Variants in GRM7 observed in about 807,000 individuals in gnomAD.
The protein encoded by GRM7 is glutamate metabotropic receptor 7, also known as metabotropic glutamate receptor 7.
In GRM7, 35 loss-of-function variants were observed where a neutral mutation model predicts 84.5. That is an observed-to-expected ratio of 0.41 (90% CI 0.32 to 0.55). The LOEUF is 0.55. GRM7 is among the 20% of genes least tolerant of loss of function. The pLI is 0.19. For missense variants in GRM7, 1,003 were observed against 1,194.6 expected (o/e 0.84, Z 2.36); for synonymous variants, 487 against 455.1 (o/e 1.07, Z -0.89).
intron 1 of GRM7, among the ~76,000 whole-genome samples, chr3:7,100,858 C>T (rs1353371008): frequency 6.6e-6 from 1 of 151,802 alleles, no homozygotes; most frequent in African/African-American, 2.4e-5. Context: ...CCTAGTCTTG[C>T]AATCTCTTGT....
chr3:7,415,617 C>T (rs899125121), intron 5 of GRM7, among the ~76,000 whole-genome samples: 9 of 152,046 alleles, frequency 5.9e-5, no homozygotes, highest in African/African-American at 2.2e-4. Flanking sequence ...AATGAGTTAC[C>T]TATTATTTAA....
At chr3:7,022,644 T>C (rs1695822403) in intron 1 of GRM7, among the ~76,000 whole-genome samples, 1 of 152,186 alleles carries the variant, frequency 6.6e-6, no homozygotes, top group Admixed American at 6.5e-5. Flanking sequence ...TGTAAATGCA[T>C]TGTAAATGCA....
At chr3:7,586,557 C>T (rs1283702368) in intron 8 of GRM7, among the ~76,000 whole-genome samples, 2 of 152,156 alleles carry the variant, frequency 1.3e-5, no homozygotes, top group East Asian at 3.9e-4. Flanking sequence ...CCTGTAATTC[C>T]AGCACTTCGG....
Position 7,720,111 on chromosome 3 carries a change from A to G in GRM7, c.2699-20246A>G, listed in dbSNP as rs139300076. Among the ~76,000 whole-genome samples the G allele has an allele frequency of 3.3e-5, 5 of 152,214 alleles. No homozygotes were observed. In the South Asian group the frequency reaches 6.2e-4, roughly 19 times the overall value. On this transcript the variant is annotated intron_variant, in intron 9 of 9. Transcript: ENST00000357716. ...AACAATCACTATTATCATTTTCCTCATCTTATAGACAGTTTAAAGGCAAGA... is the reference window on the plus strand; with the variant it reads ...AACAATCACTATTATCATTTTCCTCGTCTTATAGACAGTTTAAAGGCAAGA...
intron 4 of GRM7, among the ~76,000 whole-genome samples, chr3:7,372,788 A>C (rs959424569): frequency 1.3e-5 from 2 of 152,070 alleles, no homozygotes; most frequent in East Asian, 3.9e-4. Flanking sequence ...CAAATTTTAT[A>C]TGTGGTGTAT....
intron 1 of GRM7, among the ~76,000 whole-genome samples, chr3:6,897,770 T>C (rs1335424671): frequency 6.6e-6 from 1 of 152,230 alleles, no homozygotes; most frequent in Non-Finnish European, 1.5e-5. Flanking sequence ...AAATCTGTGG[T>C]ACTCTGAAAA....
chr3:7,710,989 C>T (rs567306792), intron 9 of GRM7, among the ~76,000 whole-genome samples: 3 of 152,286 alleles, frequency 2.0e-5, no homozygotes, highest in Admixed American at 2.0e-4. Flanking sequence ...AATGTCCCTC[C>T]TATGTACTCC....
chr3:7,029,057 A>G (rs1166295730), intron 1 of GRM7, among the ~76,000 whole-genome samples: 3 of 152,186 alleles, frequency 2.0e-5, no homozygotes, highest in African/African-American at 7.2e-5. Flanking sequence ...TAATCCCAGT[A>G]TTTTGGGAGG....
chr3:6,921,710 A>G (rs923190639), intron 1 of GRM7, among the ~76,000 whole-genome samples: 23 of 152,234 alleles, frequency 1.5e-4, no homozygotes, highest in African/African-American at 5.1e-4. Flanking sequence ...GAAGGTTCCT[A>G]CCAAGGGATC....
At chr3:7,073,536 A>C (rs1697956755) in intron 1 of GRM7, among the ~76,000 whole-genome samples, 1 of 152,174 alleles carries the variant, frequency 6.6e-6, no homozygotes, top group Non-Finnish European at 1.5e-5. Context: ...GTTGATTTTC[A>C]GATCAGATTT....
chr3:7,601,288 G>A (rs146834234), intron 8 of GRM7, among the ~76,000 whole-genome samples: 5 of 152,032 alleles, frequency 3.3e-5, no homozygotes, highest in Admixed American at 2.6e-4. Flanking sequence ...GCATCCAAAG[G>A]CATTCTAAGA....
chr3:7,404,989 C>T (rs1695613784), intron 4 of GRM7, among the ~76,000 whole-genome samples: 1 of 152,078 alleles, frequency 6.6e-6, no homozygotes, highest in Non-Finnish European at 1.5e-5. Flanking sequence ...TCTTTGGTGT[C>T]TTCCAAGAGA....
intron 2 of GRM7, among the ~76,000 whole-genome samples, chr3:7,237,500 G>A (rs1048542716): frequency 2.0e-5 from 3 of 152,112 alleles, no homozygotes; most frequent in African/African-American, 4.8e-5. Context: ...GACGCTCGTG[G>A]TGAGTGTTAC....
At chr3:7,516,819 T>G (rs575320954) in intron 7 of GRM7, among the ~76,000 whole-genome samples, 56 of 152,334 alleles carry the variant, frequency 3.7e-4, no homozygotes, top group African/African-American at 1.3e-3. Flanking sequence ...CATTTTAGCA[T>G]TTTTTCATTT....
chr3:7,392,068 C>T (rs755324433), intron 4 of GRM7, among the ~76,000 whole-genome samples: 1 of 152,156 alleles, frequency 6.6e-6, no homozygotes, highest in African/African-American at 2.4e-5. Flanking sequence ...CCCAAGAGGG[C>T]CTTTGGCAGA....
At chr3:7,735,756 C>G (rs977635446) in intron 9 of GRM7, among the ~76,000 whole-genome samples, 1 of 152,138 alleles carries the variant, frequency 6.6e-6, no homozygotes, top group Non-Finnish European at 1.5e-5. Context: ...ATATCTTACA[C>G]CTGGCTCACT....
intron 1 of GRM7, among the ~76,000 whole-genome samples, chr3:6,916,541 A>G (rs1257265288): frequency 6.6e-6 from 1 of 152,164 alleles, no homozygotes; most frequent in African/African-American, 2.4e-5. Context: ...TCCACAATCA[A>G]GGTGCCAGCA....
intron 7 of GRM7, among the ~76,000 whole-genome samples, chr3:7,530,710 T>C: frequency 6.6e-6 from 1 of 152,234 alleles, no homozygotes; most frequent in East Asian, 1.9e-4. Flanking sequence ...ATGGGCTTTT[T>C]TTCATATGTT....
intron 7 of GRM7, among the ~76,000 whole-genome samples, chr3:7,521,277 A>G (rs904472): frequency 0.62 from 94,283 of 151,948 alleles, 30,277 homozygotes; most frequent in African/African-American, 0.8. Context: ...GCCAGGTAAA[A>G]CCGCAGTTCT....
Sources: gnomAD v4.1 joint callset for allele counts (sites outside exome capture counted in the v4.1 genomes callset) on GRCh38, gnomAD v4.1.1 for gene constraint, MANE v1.5 for transcripts, NCBI Gene and HGNC (gene_info 2026-07-23, HGNC 2026-07-21) for gene names.